Variants in BRINP1 observed in about 807,000 individuals in gnomAD.
BRINP1 encodes the protein BMP/retinoic acid inducible neural specific 1.
BRINP1 carries 17 observed loss-of-function variants against 72.9 expected under a neutral mutation model. That is an observed-to-expected ratio of 0.23 (90% confidence interval 0.16 to 0.35). BRINP1 has a LOEUF of 0.35. BRINP1 is among the 10% of genes least tolerant of loss of function. The pLI is 1.00. For missense variants in BRINP1, 850 were observed against 1,001.6 expected, an observed-to-expected ratio of 0.85 and a Z score of 2.04; for synonymous variants, 418 against 378.5, an observed-to-expected ratio of 1.10 and a Z score of -1.21.
At chr9:119,353,822 C>CTTTTT (rs138900910) in intron 1 of BRINP1, among the ~76,000 whole-genome samples, 4 of 30,960 alleles carry the variant, frequency 1.3e-4, no homozygotes, top group African/African-American at 3.5e-4. Context: ...GTTTTGAGCA[C>CTTTTT]TTTTTTTTTT....
At chr9:119,223,570 C>T (rs28503451) in intron 5 of BRINP1, among the ~76,000 whole-genome samples, 42,833 of 151,846 alleles carry the variant, frequency 0.28, 6,112 homozygotes, top group Non-Finnish European at 0.32. Flanking sequence ...TATAAGCTTC[C>T]TGAATGCAAA....
At chr9:119,360,640 G>T (rs1433915992) in intron 1 of BRINP1, among the ~76,000 whole-genome samples, 3 of 152,154 alleles carry the variant, frequency 2.0e-5, no homozygotes, top group Non-Finnish European at 4.4e-5. Context: ...ATCATATCCT[G>T]GATGTCTGCC....
intron 2 of BRINP1, among the ~76,000 whole-genome samples, chr9:119,253,669 C>A (rs1178102052): frequency 6.6e-6 from 1 of 151,948 alleles, no homozygotes; most frequent in Non-Finnish European, 1.5e-5. Flanking sequence ...TGGAATTGAA[C>A]ACTTAAAAAT....
chr9:119,279,298 C>T (rs539191741), intron 2 of BRINP1, among the ~76,000 whole-genome samples: 69 of 152,306 alleles, frequency 4.5e-4, no homozygotes, highest in African/African-American at 1.7e-3. Flanking sequence ...GGTAAACTTC[C>T]ACTCCTTTAG....
At chr9:119,255,754 G>A (rs1013689744) in intron 2 of BRINP1, among the ~76,000 whole-genome samples, 12 of 151,942 alleles carry the variant, frequency 7.9e-5, no homozygotes, top group Non-Finnish European at 1.8e-4. Flanking sequence ...AGGAGTTCAA[G>A]ACCAGCCTGG....
At chr9:119,207,310 G>A (rs1474550627) in intron 7 of BRINP1, among the ~76,000 whole-genome samples, 1 of 152,196 alleles carries the variant, frequency 6.6e-6, no homozygotes, top group Non-Finnish European at 1.5e-5. Context: ...GAACAGACTA[G>A]TTAGGAAGAT....
At chr9:119,280,989 C>T (rs556918204) in intron 2 of BRINP1, among the ~76,000 whole-genome samples, 1 of 152,082 alleles carries the variant, frequency 6.6e-6, no homozygotes, top group Admixed American at 6.5e-5. Flanking sequence ...CCCAATGTGC[C>T]CAGGAAATGG....
intron 2 of BRINP1, among the ~76,000 whole-genome samples, chr9:119,261,661 C>T (rs1334147662): frequency 1.3e-5 from 2 of 152,196 alleles, no homozygotes. Flanking sequence ...CAATAGCCTA[C>T]AAAAGGCCAC....
chr9:119,181,365 A>G (rs910434093), intron 7 of BRINP1, among the ~76,000 whole-genome samples: 2 of 152,288 alleles, frequency 1.3e-5, no homozygotes, highest in Non-Finnish European at 2.9e-5. Flanking sequence ...TGAGAGAGTA[A>G]GTTAAATAAG....
intron 2 of BRINP1, among the ~76,000 whole-genome samples, chr9:119,254,704 T>C (rs1022168714): frequency 1.3e-5 from 2 of 152,204 alleles, no homozygotes; most frequent in African/African-American, 4.8e-5. Context: ...ACATTTTCTA[T>C]AAAGGTCCAG....
intron 1 of BRINP1, among the ~76,000 whole-genome samples, chr9:119,347,202 C>A (rs1218865219): frequency 1.3e-5 from 2 of 152,146 alleles, no homozygotes; most frequent in Non-Finnish European, 2.9e-5. Context: ...GCTACTTGCA[C>A]AGCCCCTCCC....
chr9:119,283,064 G>C, intron 2 of BRINP1: 1 of 985,398 alleles, frequency 1.0e-6, no homozygotes, highest in Non-Finnish European at 1.2e-6. Context: ...ACAGAGTTAC[G>C]GAGAGGTAGA....
intron 7 of BRINP1, among the ~76,000 whole-genome samples, chr9:119,182,385 G>T (rs769431940): frequency 2.0e-5 from 3 of 152,144 alleles, no homozygotes; most frequent in Non-Finnish European, 4.4e-5. Context: ...TTCAATGACA[G>T]AATATATTTG....
chr9:119,284,326 C>T (rs547630593), intron 2 of BRINP1, among the ~76,000 whole-genome samples: 1 of 152,336 alleles, frequency 6.6e-6, no homozygotes, highest in African/African-American at 2.4e-5. Flanking sequence ...TTTCTCTTCC[C>T]GCTGTGGGAG....
intron 7 of BRINP1, among the ~76,000 whole-genome samples, chr9:119,169,880 G>A (rs230096): frequency 3.3e-5 from 5 of 151,952 alleles, no homozygotes; most frequent in South Asian, 2.1e-4. Flanking sequence ...ACACTGACAC[G>A]TCACAGGCAG....
chr9:119,362,332 C>T (rs565769723), intron 1 of BRINP1, among the ~76,000 whole-genome samples: 2 of 152,158 alleles, frequency 1.3e-5, no homozygotes, highest in African/African-American at 4.8e-5. Flanking sequence ...GAAAAAGATA[C>T]TGCCTGTGAT....
At chr9:119,366,503 CGTGTGTGTGTGT>C (rs3983901) in intron 1 of BRINP1, among the ~76,000 whole-genome samples, 13,688 of 136,184 alleles carry the variant, frequency 0.1, 1,297 homozygotes, top group Middle Eastern at 0.16. Context: ...CCCCCACCAC[CGTGTGTGTGTGT>C]GTGTGTGTGT....
intron 6 of BRINP1, among the ~76,000 whole-genome samples, chr9:119,212,801 G>C (rs1829942941): frequency 6.6e-6 from 1 of 152,162 alleles, no homozygotes; most frequent in Admixed American, 6.5e-5. Context: ...ATAGAAAAGT[G>C]AGCACATGGT....
chr9:119,366,025 T>G (rs560266842), intron 1 of BRINP1, among the ~76,000 whole-genome samples: 6 of 152,276 alleles, frequency 3.9e-5, no homozygotes, highest in South Asian at 2.1e-4. Context: ...GGGTCTCTCT[T>G]TCACAGGGCT....
Sources: allele counts gnomAD v4.1 joint callset (sites outside exome capture counted in the v4.1 genomes callset), GRCh38; gene constraint gnomAD v4.1.1; transcripts MANE v1.5; gene names NCBI Gene and HGNC (gene_info 2026-07-23, HGNC 2026-07-21).